ZNF723: variants seen among roughly 807,000 people sequenced by gnomAD.
The protein encoded by ZNF723 is zinc finger protein 723.
In ZNF723, 5 loss-of-function variants were observed where a neutral mutation model predicts 9.4. The ratio of observed to expected loss-of-function variants is 0.53; its 90% CI spans 0.28 to 1.12. The LOEUF (loss-of-function observed/expected upper bound fraction) is 1.12. Among genes scored for constraint, ZNF723 ranks in the 50% most tolerant of loss-of-function variants. The probability of loss-of-function intolerance (pLI) is 0.10; values close to 1 mark genes in which losing one functional copy is unlikely to be tolerated. For missense variants in ZNF723, 450 were observed against 501.5 expected, an observed-to-expected ratio of 0.90 and a Z score of 0.98; for synonymous variants, 158 against 168.8, an observed-to-expected ratio of 0.94 and a Z score of 0.49.
chr19:22,832,533 G>C (rs1967110217), intron 1 of ZNF723, among the ~76,000 whole-genome samples, 151 bp downstream of exon 1: 1 of 152,210 alleles, frequency 6.6e-6, no homozygotes, highest in African/African-American at 2.4e-5. Flanking sequence ...CACCTTCAGC[G>C]ATAAGATGGC....
Position 22,858,419 on chromosome 19 carries a change from A to G in ZNF723, c.1528A>G (p.Thr510Ala). ...AATTCATACTAAAGAGAAATCACAAACCTTAAAGATGTGACAATGCTTTTT... is the reference window on the plus strand; with the variant it reads ...AATTCATACTAAAGAGAAATCACAAGCCTTAAAGATGTGACAATGCTTTTT... Reference protein sequence around the residue: ...KIIHTKEKSQTLKM With the variant: ...KIIHTKEKSQALKM Residue 510 changes from threonine to alanine, a missense_variant, in exon 4 of 4, where the codon ACC (threonine) becomes GCC (alanine). Thr to Ala is a moderately conservative substitution (Grantham distance 58, BLOSUM62 0). Coordinates refer to ENST00000600766, the MANE Select transcript of ZNF723 (RefSeq NM_001349726.2). 1 of 710,496 alleles carries G rather than the reference A, an allele frequency of 1.4e-6. No individual in the cohort carries two copies. Among genetic ancestry groups the G allele is most frequent in the Non-Finnish European group, 2.4e-6 (1 of 423,260 alleles). The allele number at this position is 710,496 out of a possible 1,614,324, so 44.0% of individuals were successfully genotyped here. A position where few individuals can be genotyped will look rare whatever the true frequency, so the allele number is the denominator to read the frequency against.
At chr19:22,824,970 C>G in the ZNF723 span, among the ~76,000 whole-genome samples, 4 of 152,126 alleles carry the variant, frequency 2.6e-5, no homozygotes, top group Non-Finnish European at 4.4e-5. Flanking sequence ...GATTGTGACT[C>G]TCAGGAATAT....
At chr19:22,831,314 T>C (rs556465051), upstream of ZNF723, among the ~76,000 whole-genome samples, 1 of 152,122 alleles carries the variant, frequency 6.6e-6, no homozygotes, top group South Asian at 2.1e-4. Flanking sequence ...CCCAGTATTT[T>C]GGGAGGCCGA....
At chr19:22,852,919 T>C (rs1007665061) in intron 3 of ZNF723, among the ~76,000 whole-genome samples, 9 of 152,154 alleles carry the variant, frequency 5.9e-5, no homozygotes, top group Admixed American at 5.2e-4. Flanking sequence ...GACTGGCTCG[T>C]TTCATTTTGC....
intron 3 of ZNF723, among the ~76,000 whole-genome samples, chr19:22,851,890 G>A (rs944277956): frequency 7.9e-5 from 12 of 152,186 alleles, no homozygotes; most frequent in Admixed American, 6.5e-4. Context: ...GGGTTCAAGC[G>A]ATTCTCCTGC....
intron 1 of ZNF723, among the ~76,000 whole-genome samples, chr19:22,845,701 T>C (rs1662476986): frequency 7.1e-6 from 1 of 141,662 alleles, no homozygotes; most frequent in African/African-American, 2.6e-5. Context: ...TTTCATGTTA[T>C]AAAGGACAGA....
upstream of ZNF723, among the ~76,000 whole-genome samples, chr19:22,832,149 A>G (rs1967105369): frequency 1.3e-5 from 2 of 152,172 alleles, 1 homozygote; most frequent in Admixed American, 1.3e-4. Flanking sequence ...CATTGAACCC[A>G]GCATCTGATC....
At chr19:22,849,935 C>G (rs1490731829) in intron 3 of ZNF723, among the ~76,000 whole-genome samples, 1 of 151,986 alleles carries the variant, frequency 6.6e-6, no homozygotes, top group African/African-American at 2.4e-5. Flanking sequence ...GAAACAAAAA[C>G]CTATGTTAAA....
the ZNF723 span, among the ~76,000 whole-genome samples, chr19:22,823,183 C>T: frequency 6.6e-6 from 1 of 152,150 alleles, no homozygotes; most frequent in Non-Finnish European, 1.5e-5. Context: ...TGGGTTGTGG[C>T]TCTCAGGCAT....
chr19:22,818,535 G>A, the ZNF723 span, among the ~76,000 whole-genome samples: 1 of 152,190 alleles, frequency 6.6e-6, no homozygotes, highest in Non-Finnish European at 1.5e-5. Context: ...GTCTACAATT[G>A]AGATTGTGAC....
chr19:22,827,810 C>T (rs1341863896), upstream of ZNF723, among the ~76,000 whole-genome samples: 1 of 152,084 alleles, frequency 6.6e-6, no homozygotes, highest in Non-Finnish European at 1.5e-5. Context: ...CGTGGTGGCT[C>T]ACACCTGTAA....
upstream of ZNF723, among the ~76,000 whole-genome samples, chr19:22,828,522 G>A (rs538364152): frequency 4.6e-5 from 7 of 151,792 alleles, no homozygotes; most frequent in East Asian, 2.0e-4. Context: ...GTTTGGTGGC[G>A]CGTGCCTGTA....
Position 22,857,109 on chromosome 19 carries a change from T to C in ZNF723, c.227-9T>C. The C allele has an allele frequency of 1.1e-6, 1 of 899,774 alleles. No individual in the cohort carries two copies. The highest frequency in any genetic ancestry group is 2.5e-5 in the East Asian group (1 of 40,000). 55.7% of individuals were successfully genotyped at this position (899,774 alleles called of 1,614,324 possible). ...AGATGAAGTAATTTGTTATTTCTATTTTTTTCAGTTGTGTGTTCTCATTTT... is the reference window on the plus strand; with the variant it reads ...AGATGAAGTAATTTGTTATTTCTATCTTTTTCAGTTGTGTGTTCTCATTTT... On this transcript the variant is annotated splice_polypyrimidine_tract_variant and intron_variant, in intron 3 of 3. Coordinates refer to ENST00000600766, the MANE Select transcript of ZNF723 (RefSeq NM_001349726.2).
At chr19:22,848,409 A>G in intron 2 of ZNF723, 22 bp downstream of exon 2, 1 of 1,336,932 alleles carries the variant, frequency 7.5e-7, no homozygotes, top group East Asian at 2.4e-5. Flanking sequence ...TTCAATACAC[A>G]ATCCTCAGAT....
At chr19:22,818,613 CTG>C in the ZNF723 span, among the ~76,000 whole-genome samples, 1 of 152,192 alleles carries the variant, frequency 6.6e-6, no homozygotes, top group Non-Finnish European at 1.5e-5. Context: ...ATTTGGGAGA[CTG>C]TTAGTCATAT....
intron 3 of ZNF723, among the ~76,000 whole-genome samples, chr19:22,851,676 A>AT (rs1198173738): frequency 2.0e-5 from 3 of 152,042 alleles, no homozygotes; most frequent in Non-Finnish European, 4.4e-5. Context: ...ACCATGTAGC[A>AT]TTTGTTATAG....
chr19:22,819,571 C>G, the ZNF723 span, among the ~76,000 whole-genome samples: 1 of 151,508 alleles, frequency 6.6e-6, no homozygotes, highest in African/African-American at 2.5e-5. Context: ...TCATAACTGA[C>G]CCCTGCCATC....
In ZNF723 at chr19:22,858,625, G is replaced by T. The variant is rs1967520358; in HGVS notation, c.*192G>T. 2.5e-6 allele frequency: 1 copy of T among 402,226 alleles called. No homozygotes were observed. Among genetic ancestry groups the T allele is most frequent in the Admixed American group, 4.1e-5 (1 of 24,246 alleles). The allele number at this position is 402,226 out of a possible 1,614,324, so 24.9% of individuals were successfully genotyped here. ...CTAAAATACAAAAAAAATTAGCCGGGTGTAGTGGTGGGCGCCTGTAATCCC... is the reference window on the plus strand; with the variant it reads ...CTAAAATACAAAAAAAATTAGCCGGTTGTAGTGGTGGGCGCCTGTAATCCC... On this transcript the variant is annotated 3_prime_UTR_variant, in exon 4 of 4. Transcript: ENST00000600766.
the ZNF723 span, among the ~76,000 whole-genome samples, chr19:22,820,288 G>A: frequency 6.6e-6 from 1 of 152,116 alleles, no homozygotes; most frequent in Non-Finnish European, 1.5e-5. Context: ...ACCAGGTGGT[G>A]TGTCTCTCCT....
Sources: gnomAD v4.1 joint callset for allele counts (sites outside exome capture counted in the v4.1 genomes callset) on GRCh38, gnomAD v4.1.1 for gene constraint, MANE v1.5 for transcripts, NCBI Gene and HGNC (gene_info 2026-07-23, HGNC 2026-07-21) for gene names.